Variants in YAP1 observed in about 807,000 individuals in gnomAD.
YAP1 encodes the protein transcriptional coactivator YAP1.
A neutral mutation model predicts 56.9 loss-of-function variants in YAP1; 5 were observed. The observed-to-expected ratio is 0.09, with a 90% CI of 0.05 to 0.18. YAP1 has a LOEUF of 0.18. Among genes scored for constraint, YAP1 ranks in the 10% least tolerant of loss-of-function variants. YAP1 has a pLI of 1.00. For missense variants in YAP1, 539 were observed against 651.8 expected (o/e 0.83, Z 1.88); for synonymous variants, 265 against 248.1 (o/e 1.07, Z -0.64).
chr11:102,194,857 T>C (rs1008062844), intron 4 of YAP1, among the ~76,000 whole-genome samples: 1 of 152,230 alleles, frequency 6.6e-6, no homozygotes, highest in East Asian at 1.9e-4. Flanking sequence ...TTGACCTGTT[T>C]ATTCATTAAT....
intron 5 of YAP1, among the ~76,000 whole-genome samples, chr11:102,207,636 G>A (rs1949189559): frequency 6.6e-6 from 1 of 151,986 alleles, no homozygotes; most frequent in Non-Finnish European, 1.5e-5. Context: ...TATCTCTTGA[G>A]TGTCAGTGAA....
intron 3 of YAP1, among the ~76,000 whole-genome samples, chr11:102,182,412 G>C (rs1947682469): frequency 6.6e-6 from 1 of 152,058 alleles, no homozygotes; most frequent in African/African-American, 2.4e-5. Context: ...CCTAACCCTA[G>C]CCCAAACAGA....
chr11:102,112,779 T>G (rs1943039163), intron 1 of YAP1: 1 of 985,100 alleles, frequency 1.0e-6, no homozygotes, highest in African/African-American at 1.7e-5. Flanking sequence ...CGAAGTGGGT[T>G]TATGGACTCA....
chr11:102,203,359 G>C (rs1181807679), intron 4 of YAP1, among the ~76,000 whole-genome samples: 1 of 152,176 alleles, frequency 6.6e-6, no homozygotes, highest in East Asian at 1.9e-4. Context: ...TAATTCCCTT[G>C]ATAATAGGGA....
intron 4 of YAP1, among the ~76,000 whole-genome samples, chr11:102,195,129 A>G (rs1314569745): frequency 6.6e-6 from 1 of 152,172 alleles, no homozygotes; most frequent in African/African-American, 2.4e-5. Flanking sequence ...ATAGTGGGGA[A>G]AAACATCTAG....
chr11:102,207,169 A>G (rs1949163367), intron 5 of YAP1, among the ~76,000 whole-genome samples: 1 of 152,166 alleles, frequency 6.6e-6, no homozygotes, highest in Non-Finnish European at 1.5e-5. Flanking sequence ...GATAATAGAA[A>G]AATGGTATAC....
chr11:102,221,509 A>G (rs1199868417), intron 6 of YAP1, among the ~76,000 whole-genome samples: 1 of 152,114 alleles, frequency 6.6e-6, no homozygotes, highest in Non-Finnish European at 1.5e-5. Context: ...AGATCATCTG[A>G]GCCTGGGAGA....
At chr11:102,207,905 A>G (rs1352022825) in intron 5 of YAP1, among the ~76,000 whole-genome samples, 1 of 152,200 alleles carries the variant, frequency 6.6e-6, no homozygotes, top group Non-Finnish European at 1.5e-5. Context: ...TTCTTTGACA[A>G]ACTAAGGAAG....
At chr11:102,202,869 A>G (rs555674970) in intron 4 of YAP1, among the ~76,000 whole-genome samples, 1 of 152,286 alleles carries the variant, frequency 6.6e-6, no homozygotes, top group East Asian at 1.9e-4. Context: ...AGTGCCACCA[A>G]TGAAGTATTC....
intron 6 of YAP1, among the ~76,000 whole-genome samples, chr11:102,211,392 A>T (rs1949397541): frequency 6.6e-6 from 1 of 152,196 alleles, no homozygotes; most frequent in Non-Finnish European, 1.5e-5. Flanking sequence ...AGAGGTAATT[A>T]CTCAGATTTG....
chr11:102,110,947 C>T lies in YAP1; in HGVS notation c.99C>T (p.Pro33=). 1 of 1,500,596 alleles carries T rather than the reference C, an allele frequency of 6.7e-7. No individual in the cohort carries two copies. The allele number at this position is 1,500,596 out of a possible 1,614,324, so 93.0% of individuals were successfully genotyped here. ...PPQGQGPPSG[P]GQPAPAATQA... is the part of the protein sequence containing the mutation. ...AGGGGCAGGGCCCGCCGTCCGGACC[C>T]GGGCAACCGGCACCCGCGGCGACCC... Residue 33 remains proline, a synonymous_variant, in exon 1 of 9, where the codon CCC becomes CCT. Coordinates refer to ENST00000282441, the MANE Select transcript of YAP1 (RefSeq NM_001130145.3).
At chr11:102,130,720 CTTTTTTTTTTT>C (rs61175592) in intron 2 of YAP1, among the ~76,000 whole-genome samples, 6,618 of 98,290 alleles carry the variant, frequency 0.067, 570 homozygotes, top group African/African-American at 0.21. Context: ...GATAACTACT[CTTTTTTTTTTT>C]TTTTTTTTTT....
intron 6 of YAP1, among the ~76,000 whole-genome samples, chr11:102,218,216 T>A (rs1318176262): frequency 1.3e-5 from 2 of 152,370 alleles, no homozygotes; most frequent in Middle Eastern, 3.4e-3. Flanking sequence ...GCATATATGT[T>A]ATTTGTATCA....
intron 2 of YAP1, among the ~76,000 whole-genome samples, chr11:102,127,605 C>T (rs1439621550): frequency 6.6e-6 from 1 of 152,150 alleles, no homozygotes; most frequent in Non-Finnish European, 1.5e-5. Flanking sequence ...TCTGCTAGGG[C>T]AGTGCAGAAG....
At chr11:102,132,572 AT>A (rs1944430506) in intron 2 of YAP1, among the ~76,000 whole-genome samples, 1 of 152,154 alleles carries the variant, frequency 6.6e-6, no homozygotes, top group Admixed American at 6.5e-5. Context: ...TCCTGTATAC[AT>A]TTTTTAAAGG....
intron 4 of YAP1, among the ~76,000 whole-genome samples, chr11:102,198,548 G>C (rs914174922): frequency 6.6e-6 from 1 of 152,170 alleles, no homozygotes; most frequent in African/African-American, 2.4e-5. Context: ...TATAGCTCTA[G>C]AATCTGTTTT....
intron 6 of YAP1, among the ~76,000 whole-genome samples, chr11:102,214,674 T>A (rs73583999): frequency 0.023 from 3,462 of 152,328 alleles, 144 homozygotes; most frequent in African/African-American, 0.08. Context: ...TTATATTTTA[T>A]TTTTAATGGG....
chr11:102,115,329 T>G (rs1943210310), intron 2 of YAP1, among the ~76,000 whole-genome samples: 1 of 152,200 alleles, frequency 6.6e-6, no homozygotes, highest in South Asian at 2.1e-4. Flanking sequence ...ACAGTGTAAG[T>G]TTTGATTCGG....
At chr11:102,184,378 T>C (rs949243093) in intron 3 of YAP1, among the ~76,000 whole-genome samples, 1 of 152,212 alleles carries the variant, frequency 6.6e-6, no homozygotes, top group African/African-American at 2.4e-5. Flanking sequence ...TTGATATACA[T>C]GTGATAAACA....
Sources: allele counts gnomAD v4.1 joint callset (sites outside exome capture counted in the v4.1 genomes callset), GRCh38; gene constraint gnomAD v4.1.1; transcripts MANE v1.5; gene names NCBI Gene and HGNC (gene_info 2026-07-23, HGNC 2026-07-21).